The following DPH6 variants were observed in gnomAD, a reference collection of about 807,000 sequenced individuals.
The protein encoded by DPH6 is diphthine--ammonia ligase.
DPH6 carries 33 observed loss-of-function variants against 38.2 expected under a neutral mutation model. The ratio of observed to expected loss-of-function variants is 0.86; its 90% confidence interval spans 0.65 to 1.15. DPH6 has a LOEUF of 1.15. Among genes scored for constraint, DPH6 ranks in the 50% most tolerant of loss-of-function variants. The pLI is 0.00. For missense variants in DPH6, 325 were observed against 320.0 expected (o/e 1.02, Z -0.12); for synonymous variants, 108 against 103.0 (o/e 1.05, Z -0.30).
Position 35,372,222 on chromosome 15 carries a change from G to A in DPH6, c.751-19C>T, listed in dbSNP as rs1176930349. The A allele has an allele frequency of 6.7e-7, 1 of 1,481,858 alleles. No individual in the cohort carries two copies. Among genetic ancestry groups the A allele is most frequent in the Non-Finnish European group, 8.9e-7 (1 of 1,117,612 alleles). 91.8% of individuals were successfully genotyped at this position (1,481,858 alleles called of 1,614,324 possible). Reference sequence around the variant, plus strand: ...AGGACACCTAAAAAAAAAAGGGAAGGAAAGGGAAGGAAAATGCACCATATT... The same window carrying A: ...AGGACACCTAAAAAAAAAAGGGAAGAAAAGGGAAGGAAAATGCACCATATT... On this transcript the variant is annotated intron_variant, in intron 8 of 8. Transcript: ENST00000256538.
the DPH6 span, among the ~76,000 whole-genome samples, chr15:35,204,789 G>T: frequency 2.0e-5 from 3 of 151,866 alleles, no homozygotes; most frequent in African/African-American, 7.2e-5. Context: ...GGGGAGAAAT[G>T]AAATCTTCCT....
intron 3 of DPH6, among the ~76,000 whole-genome samples, chr15:35,522,875 A>G (rs2054941639): frequency 6.6e-6 from 1 of 152,142 alleles, no homozygotes. Flanking sequence ...TACCATACAG[A>G]GCATTCCCTA....
At chr15:35,182,502 A>G in the DPH6 span, among the ~76,000 whole-genome samples, 2 of 152,076 alleles carry the variant, frequency 1.3e-5, no homozygotes, top group Admixed American at 1.3e-4. Context: ...CATCGATAGC[A>G]TGTACACTTT....
At chr15:35,472,284 C>A (rs1322889488) in intron 3 of DPH6, among the ~76,000 whole-genome samples, 1 of 152,100 alleles carries the variant, frequency 6.6e-6, no homozygotes. Flanking sequence ...TTAATAATAG[C>A]AGAAGCAGTT....
chr15:35,538,106 G>C (rs377730100), intron 3 of DPH6, 168 bp downstream of exon 3: 5 of 443,906 alleles, frequency 1.1e-5, no homozygotes, highest in African/African-American at 1.0e-4. Flanking sequence ...TAATATAAAG[G>C]CATACTAATC....
At chr15:35,417,930 A>G (rs2053456232) in intron 5 of DPH6, among the ~76,000 whole-genome samples, 1 of 152,084 alleles carries the variant, frequency 6.6e-6, no homozygotes, top group Non-Finnish European at 1.5e-5. Context: ...ATAAAACTGC[A>G]TTACATTAAA....
chr15:35,234,569 A>G (rs1181365155), intron 3 of DPH6, among the ~76,000 whole-genome samples: 1 of 152,202 alleles, frequency 6.6e-6, no homozygotes, highest in Non-Finnish European at 1.5e-5. Context: ...TCTTTTTCCT[A>G]TTTAATATTA....
chr15:35,237,323 G>T, intron 3 of DPH6: 4 of 1,588,970 alleles, frequency 2.5e-6, no homozygotes, highest in Non-Finnish European at 3.5e-6. Context: ...GAGAACGCGA[G>T]AGATGAAGAT....
At chr15:35,513,268 T>G (rs2054800137) in intron 3 of DPH6, among the ~76,000 whole-genome samples, 1 of 151,994 alleles carries the variant, frequency 6.6e-6, no homozygotes, top group South Asian at 2.1e-4. Context: ...AAAACATAAT[T>G]TTTCTAAGTA....
chr15:35,206,076 A>G, the DPH6 span, among the ~76,000 whole-genome samples: 1 of 152,024 alleles, frequency 6.6e-6, no homozygotes, highest in African/African-American at 2.4e-5. Flanking sequence ...TTTTAGAATG[A>G]CTAAAACTAT....
At chr15:35,467,624 C>T (rs943217857) in intron 3 of DPH6, among the ~76,000 whole-genome samples, 30 of 152,128 alleles carry the variant, frequency 2.0e-4, no homozygotes, top group Non-Finnish European at 5.9e-5. Context: ...ATGCATTAGC[C>T]TAACAGTGTC....
intron 5 of DPH6, among the ~76,000 whole-genome samples, chr15:35,441,809 T>TTA (rs1555402153): frequency 2.0e-5 from 3 of 151,730 alleles, no homozygotes; most frequent in Non-Finnish European, 2.9e-5. Context: ...TAAAGTATAA[T>TTA]AAAAAAAATG....
chr15:35,473,947 TGTGTGTGTGTGC>T (rs755518487), intron 3 of DPH6, among the ~76,000 whole-genome samples: 9,738 of 41,934 alleles, frequency 0.23, 428 homozygotes, highest in South Asian at 0.37. Flanking sequence ...TGTGTGTGTG[TGTGTGTGTGTGC>T]GCGCGCGCGC....
chr15:35,538,301 A>G lies in DPH6; in HGVS notation c.285T>C (p.Asp95=), dbSNP rs2055201841. Residue 95 remains aspartate, a synonymous_variant, in exon 3 of 9, where the codon GAT becomes GAC. Coordinates refer to ENST00000256538, the MANE Select transcript of DPH6 (RefSeq NM_080650.4). Reference sequence around the variant, plus strand: ...TAACAAGTTTCAAAAGCTCATAGAGATCTTCAACCTCATCACCTTCACATT... The same window carrying G: ...TAACAAGTTTCAAAAGCTCATAGAGGTCTTCAACCTCATCACCTTCACATT... The part of the protein sequence containing the change: ...YTKCEGDEVE[D]LYELLKLVKE... The G allele has an allele frequency of 6.3e-7, 1 of 1,583,298 alleles. No individual in the cohort carries two copies. Among genetic ancestry groups the G allele is most frequent in the Non-Finnish European group, 8.6e-7 (1 of 1,156,490 alleles).
chr15:35,391,403 T>C lies in DPH6; in HGVS notation c.568-9487A>G, dbSNP rs182959760. Among the ~76,000 whole-genome samples the C allele has an allele frequency of 2.0e-4, 30 of 152,280 alleles. 1 individual carries two copies. In the East Asian group the frequency reaches 4.7e-3, roughly 24 times the overall value. On this transcript the variant is annotated intron_variant, in intron 6 of 8. Transcript: ENST00000256538. ...GGGACATTTAAGTCTGCAGAGGTTA[T>C]TGCTGTCTTTTGTTTGTCTGTGCCC...
chr15:35,267,994 C>T lies in DPH6; in HGVS notation n.201-47412G>A, dbSNP rs1041042724. Among the ~76,000 whole-genome samples, 197 of 152,026 alleles carry T rather than the reference C, an allele frequency of 1.3e-3. 2 individuals are homozygous for T. Among genetic ancestry groups the T allele is most frequent in the Non-Finnish European group, 1.3e-4 (9 of 67,976 alleles). On this transcript the variant is annotated intron_variant and non_coding_transcript_variant, in intron 3 of 3. Transcript: ENST00000560386. Reference sequence around the variant, plus strand: ...GACCATCCTGGCTAACATGGTGAAACCCTGTCTCTACTAAAAATACAAAAT... The same window carrying T: ...GACCATCCTGGCTAACATGGTGAAATCCTGTCTCTACTAAAAATACAAAAT...
intron 5 of DPH6, among the ~76,000 whole-genome samples, chr15:35,439,614 T>C (rs1383643367): frequency 6.6e-6 from 1 of 152,140 alleles, no homozygotes; most frequent in Non-Finnish European, 1.5e-5. Context: ...CTATAGTAGA[T>C]ACCCTGTCTA....
At chr15:35,254,680 C>T (rs1484454635) in intron 3 of DPH6, among the ~76,000 whole-genome samples, 1 of 152,066 alleles carries the variant, frequency 6.6e-6, no homozygotes, top group Non-Finnish European at 1.5e-5. Context: ...CATGCGCGTC[C>T]GTGTGAAGAG....
At chr15:35,463,456 G>C (rs1364773814) in intron 3 of DPH6, among the ~76,000 whole-genome samples, 1 of 152,018 alleles carries the variant, frequency 6.6e-6, no homozygotes, top group Non-Finnish European at 1.5e-5. Context: ...TAAACAAAAG[G>C]ATGATTCAAT....
Sources: allele counts gnomAD v4.1 joint callset (sites outside exome capture counted in the v4.1 genomes callset), GRCh38; gene constraint gnomAD v4.1.1; transcripts MANE v1.5; gene names NCBI Gene and HGNC (gene_info 2026-07-23, HGNC 2026-07-21).